The following RBM47 variants were observed in gnomAD, a reference collection of about 807,000 sequenced individuals.
The protein encoded by RBM47 is RNA binding motif protein 47.
RBM47 carries 21 observed loss-of-function variants against 47.1 expected under a neutral mutation model. That is an observed-to-expected ratio of 0.45 (90% CI 0.32 to 0.64). RBM47 has a LOEUF of 0.64. RBM47 is among the 30% of genes least tolerant of loss of function. RBM47 has a pLI of 0.05. For missense variants in RBM47, 708 were observed against 870.9 expected, an observed-to-expected ratio of 0.81 and a Z score of 2.35; for synonymous variants, 375 against 361.7, an observed-to-expected ratio of 1.04 and a Z score of -0.42.
intron 2 of RBM47, among the ~76,000 whole-genome samples, chr4:40,510,992 T>C (rs1176913224): frequency 6.6e-6 from 1 of 152,236 alleles, no homozygotes; most frequent in African/African-American, 2.4e-5. Flanking sequence ...GGCTGTTTTA[T>C]TGCCTTACTT....
chr4:40,595,073 A>G (rs1427753375), intron 1 of RBM47, among the ~76,000 whole-genome samples: 2 of 152,086 alleles, frequency 1.3e-5, no homozygotes, highest in Non-Finnish European at 2.9e-5. Context: ...GAACCTTACC[A>G]CTATGCTATC....
chr4:40,445,672 A>G (rs1421185051), intron 3 of RBM47, among the ~76,000 whole-genome samples: 1 of 152,222 alleles, frequency 6.6e-6, no homozygotes, highest in African/African-American at 2.4e-5. Context: ...GCCTGCTTCA[A>G]AAGGGTCATA....
intron 5 of RBM47, among the ~76,000 whole-genome samples, chr4:40,434,415 G>A (rs1349473796): frequency 6.6e-6 from 1 of 152,078 alleles, no homozygotes; most frequent in Non-Finnish European, 1.5e-5. Flanking sequence ...AATTGTTCTG[G>A]CTATCAGCCC....
intron 1 of RBM47, among the ~76,000 whole-genome samples, chr4:40,546,040 T>C (rs7667552): frequency 0.25 from 37,428 of 152,126 alleles, 6,056 homozygotes; most frequent in African/African-American, 0.46. Context: ...TAAATCACTA[T>C]GAGTTGTGTT....
intron 6 of RBM47, among the ~76,000 whole-genome samples, chr4:40,431,575 G>A (rs750656496): frequency 6.9e-4 from 105 of 151,880 alleles, no homozygotes; most frequent in Admixed American, 5.9e-4. Context: ...GGAGAATGGC[G>A]TGAACCTGGG....
chr4:40,557,455 A>G (rs1730206071), intron 1 of RBM47, among the ~76,000 whole-genome samples: 1 of 152,056 alleles, frequency 6.6e-6, no homozygotes, highest in Non-Finnish European at 1.5e-5. Flanking sequence ...CTCCATAAAT[A>G]TTTGTTGAGT....
chr4:40,520,220 T>A (rs913238668), intron 2 of RBM47, among the ~76,000 whole-genome samples: 2 of 152,210 alleles, frequency 1.3e-5, no homozygotes, highest in East Asian at 3.9e-4. Flanking sequence ...AAAAGTCTCA[T>A]GCTGCTCAGA....
intron 1 of RBM47, among the ~76,000 whole-genome samples, chr4:40,552,971 T>C (rs1320944370): frequency 6.6e-6 from 1 of 151,272 alleles, no homozygotes; most frequent in African/African-American, 2.4e-5. Context: ...TCTTTTCTTT[T>C]TTCTTTTTTT....
chr4:40,605,054 C>T (rs1735640915), intron 1 of RBM47, among the ~76,000 whole-genome samples: 1 of 151,738 alleles, frequency 6.6e-6, no homozygotes, highest in South Asian at 2.1e-4. Flanking sequence ...AGGAGTTTCG[C>T]TCTTGTTGCC....
In RBM47 at chr4:40,594,091, A is replaced by G. The variant is rs188616650; in HGVS notation, c.-240+35305T>C. Among the ~76,000 whole-genome samples, 44 of 151,842 alleles carry G rather than the reference A, an allele frequency of 2.9e-4. No individual in the cohort carries two copies. The East Asian group carries it at 7.9e-3, about 27-fold the overall frequency. ...AAAAAGAAAGAAAGAAAGAAAAGAA[A>G]ATCATTTTTCTCTTCTCTACCCCCA... is the stretch of plus-strand genomic sequence containing the variant. On this transcript the variant is annotated intron_variant, in intron 1 of 6. Transcript: ENST00000295971.
At chr4:40,592,257 CTTT>C (rs55974728) in intron 1 of RBM47, among the ~76,000 whole-genome samples, 12 of 139,310 alleles carry the variant, frequency 8.6e-5, no homozygotes, top group Admixed American at 2.2e-4. Flanking sequence ...TTTTCTTTTA[CTTT>C]TTTTTTTTTT....
chr4:40,520,111 T>C (rs887542404), intron 2 of RBM47, among the ~76,000 whole-genome samples: 2 of 152,182 alleles, frequency 1.3e-5, no homozygotes, highest in Non-Finnish European at 2.9e-5. Flanking sequence ...GGTAAGCCTT[T>C]TATGTTCTTT....
intron 2 of RBM47, among the ~76,000 whole-genome samples, chr4:40,513,200 G>A (rs755660988): frequency 2.2e-4 from 34 of 152,158 alleles, no homozygotes; most frequent in Admixed American, 1.7e-3. Flanking sequence ...GTTTTCAAAT[G>A]ACTGGCCACT....
In RBM47 at chr4:40,463,137, T is replaced by C. The variant is rs77349364; in HGVS notation, c.-32+3440A>G. On this transcript the variant is annotated intron_variant, in intron 3 of 6. Transcript: ENST00000295971. ...CTAATTTAAAAATGGTCAAAAAAGT[T>C]GAACAGATATTTTTCCAAGGAAGAT... Among the ~76,000 whole-genome samples, 1,320 of 152,168 alleles carry C rather than the reference T, an allele frequency of 8.7e-3. 6 individuals are homozygous for C. The highest frequency in any genetic ancestry group is 0.014 in the Non-Finnish European group (951 of 68,006).
chr4:40,458,759 T>A (rs1326727019), intron 3 of RBM47, among the ~76,000 whole-genome samples: 2 of 152,194 alleles, frequency 1.3e-5, no homozygotes. Context: ...TAATTGTTTT[T>A]TTTTCCCCCT....
chr4:40,430,574 T>C (rs1715821606), intron 6 of RBM47, among the ~76,000 whole-genome samples: 1 of 152,228 alleles, frequency 6.6e-6, no homozygotes, highest in South Asian at 2.1e-4. Flanking sequence ...AATGACATAC[T>C]GAAAGATAAA....
intron 2 of RBM47, among the ~76,000 whole-genome samples, chr4:40,489,774 T>C (rs1721603719): frequency 6.6e-6 from 1 of 152,156 alleles, no homozygotes; most frequent in Non-Finnish European, 1.5e-5. Context: ...CCTTCACAAA[T>C]TCTTCCAAAA....
intron 2 of RBM47, among the ~76,000 whole-genome samples, chr4:40,490,988 T>C (rs1270326394): frequency 3.3e-5 from 5 of 151,882 alleles, no homozygotes; most frequent in Non-Finnish European, 7.4e-5. Context: ...AGAACAAAGC[T>C]CAAGGACTCA....
Position 40,466,589 on chromosome 4 carries a change from T to G in RBM47, c.-44A>C, listed in dbSNP as rs191535695. 1 of 152,214 alleles carries G rather than the reference T, an allele frequency of 6.6e-6. No individual in the cohort carries two copies. The highest frequency in any genetic ancestry group is 6.5e-5 in the Admixed American group (1 of 15,294). 9.4% of individuals were successfully genotyped at this position (152,214 alleles called of 1,614,324 possible). ...GAAGTATACTCACCAAAACCACTAA[T>G]TTGATTTGTCTGGTCCTTTATAAGT... On this transcript the variant is annotated 5_prime_UTR_variant, in exon 3 of 7. Transcript: ENST00000295971.
Sources: gnomAD v4.1 joint callset for allele counts (sites outside exome capture counted in the v4.1 genomes callset) on GRCh38, gnomAD v4.1.1 for gene constraint, MANE v1.5 for transcripts, NCBI Gene and HGNC (gene_info 2026-07-23, HGNC 2026-07-21) for gene names.